Variants in ADAT1 observed in about 807,000 individuals in gnomAD.
The protein encoded by ADAT1 is adenosine deaminase tRNA specific 1.
Under a neutral mutation model 58.6 loss-of-function variants are expected in ADAT1, and 58 were observed. That is an observed-to-expected ratio of 0.99 (90% CI 0.80 to 1.23). The LOEUF is 1.23. Ranked by LOEUF, ADAT1 falls within the 50% of genes most tolerant of loss-of-function variation. The probability of loss-of-function intolerance (pLI) is 0.00; values close to 1 mark genes in which losing one functional copy is unlikely to be tolerated. For missense variants in ADAT1, 741 were observed against 608.6 expected, an observed-to-expected ratio of 1.22 and a Z score of -2.29; for synonymous variants, 254 against 220.8, an observed-to-expected ratio of 1.15 and a Z score of -1.33.
At chr16:75,615,480 T>TTA (rs1567479861) in intron 5 of ADAT1, among the ~76,000 whole-genome samples, 3 of 32,944 alleles carry the variant, frequency 9.1e-5, no homozygotes, top group African/African-American at 1.1e-4. Context: ...GTTGATGAGC[T>TTA]AAAAAAAAAA....
intron 6 of ADAT1, among the ~76,000 whole-genome samples, chr16:75,610,264 A>G (rs958016747): frequency 8.0e-5 from 12 of 150,516 alleles, no homozygotes; most frequent in African/African-American, 2.9e-4. Flanking sequence ...TGTTGTGAAC[A>G]TTTATGTACA....
chr16:75,604,185 T>C (rs748221513), intron 8 of ADAT1, among the ~76,000 whole-genome samples: 1 of 151,672 alleles, frequency 6.6e-6, no homozygotes, highest in Non-Finnish European at 1.5e-5. Flanking sequence ...TCCCAGCACT[T>C]TGGGAGGCTG....
chr16:75,599,614 C>G lies in ADAT1; in HGVS notation c.*602G>C. 1.0e-6 allele frequency: 1 copy of G among 985,928 alleles called. No individual in the cohort carries two copies. Among genetic ancestry groups the G allele is most frequent in the Non-Finnish European group, 1.2e-6 (1 of 830,036 alleles). 61.1% of individuals were successfully genotyped at this position (985,928 alleles called of 1,614,324 possible). ...CAGTCCCATGATTATGTGACCCTTA[C>G]AGCTCCAGATCAAAACAGAAAGCCT... On this transcript the variant is annotated 3_prime_UTR_variant, in exon 10 of 10. Coordinates refer to ENST00000564657, the MANE Select transcript of ADAT1 (RefSeq NM_001324445.2).
chr16:75,600,426 C>T, intron 9 of ADAT1, 78 bp from the exon 10 acceptor site: 1 of 1,578,224 alleles, frequency 6.3e-7, no homozygotes, highest in African/African-American at 1.4e-5. Flanking sequence ...CCTGAGCAAG[C>T]AACTGGACAG....
In ADAT1 at chr16:75,608,968, A is replaced by G; in HGVS notation, c.1064T>C (p.Leu355Ser). The change falls in exon 7 of 10, where the codon TTA becomes TCA. Residue 355 changes from leucine (L) to serine (S), a missense_variant. Leu to Ser is a moderately radical substitution (Grantham distance 145, BLOSUM62 -2). Coordinates refer to ENST00000564657, the MANE Select transcript of ADAT1 (RefSeq NM_001324445.2). The part of the protein sequence containing the change: ...LIGRCQNVSA[L>S]PKGFGVQELK... ...TTCTTGAACTCCGAAGCCTTTTGGTAAAGCAGACACATTCTGACACCTAAA... is the reference window on the plus strand; with the variant it reads ...TTCTTGAACTCCGAAGCCTTTTGGTGAAGCAGACACATTCTGACACCTAAA... 1 of 1,614,194 alleles carries G rather than the reference A, an allele frequency of 6.2e-7. No homozygotes were observed. The highest frequency in any genetic ancestry group is 8.5e-7 in the Non-Finnish European group (1 of 1,180,014).
In ADAT1 at chr16:75,612,786, T is replaced by C; in HGVS notation, c.500A>G (p.His167Arg). The C allele has an allele frequency of 3.1e-6, 5 of 1,614,076 alleles. No homozygotes were observed. The highest frequency in any genetic ancestry group is 1.3e-5 in the African/African-American group (1 of 74,994). Residue 167 changes from histidine to arginine, a missense_variant, in exon 6 of 10, where the codon CAC (histidine) becomes CGC (arginine). Coordinates refer to ENST00000564657, the MANE Select transcript of ADAT1 (RefSeq NM_001324445.2). ...ACTACTGGCTTCTACTGATGAGTTG[T>C]GGGCCCAATTTCTGAAGACAGGACA... ...PCCPVFRNWAHNSSVEASSNL... is the reference protein window; with the variant it reads ...PCCPVFRNWARNSSVEASSNL...
chr16:75,620,374 G>A (rs1331616834), intron 2 of ADAT1, 40 bp from the exon 3 acceptor site: 2 of 1,605,240 alleles, frequency 1.2e-6, no homozygotes, highest in African/African-American at 2.7e-5. Flanking sequence ...CTGAGAAACG[G>A]AATGTTCCCC....
Position 75,620,655 on chromosome 16 carries a change from C to T in ADAT1, c.145G>A (p.Asp49Asn), listed in dbSNP as rs768577645. 46 of 1,613,302 alleles carry T rather than the reference C, an allele frequency of 2.9e-5. No individual in the cohort carries two copies. Among genetic ancestry groups the T allele is most frequent in the Middle Eastern group, 1.8e-4 (1 of 5,474 alleles). Residue 49 changes from aspartate to asparagine, a missense_variant, in exon 2 of 10, where the codon GAC (aspartate) becomes AAC (asparagine). Transcript: ENST00000564657. ...KIQSPADKAC[D>N]TPDKPVQVTK... ...CCTTGCACCGGCTTATCAGGGGTGT[C>T]GCAGGCCTTGTCAGCTGGAGATTGT...
At chr16:75,613,554 G>C (rs111835130) in intron 5 of ADAT1, among the ~76,000 whole-genome samples, 1 of 152,036 alleles carries the variant, frequency 6.6e-6, no homozygotes, top group Admixed American at 6.6e-5. Context: ...CGAGTGATCC[G>C]CCCACCTTGG....
chr16:75,600,474 T>C (rs778642663), intron 9 of ADAT1, 126 bp from the exon 10 acceptor site: 6 of 1,435,234 alleles, frequency 4.2e-6, no homozygotes, highest in Non-Finnish European at 5.6e-6. Context: ...GAGTTCAGTA[T>C]GCTTTTGTGA....
rs906765281 is a variant in ADAT1, at chr16:75,608,804, A to G, written c.1189+39T>C. On this transcript the variant is annotated intron_variant, in intron 7 of 9. Transcript: ENST00000564657. Reference sequence around the variant, plus strand: ...CTCTGGGGCCACTCTCAGTCAGGGGAGCAGTTACTCCAGGGCAGGTCTAAC... The same window carrying G: ...CTCTGGGGCCACTCTCAGTCAGGGGGGCAGTTACTCCAGGGCAGGTCTAAC... The G allele has an allele frequency of 1.9e-6, 3 of 1,590,550 alleles. No homozygotes were observed. The African/African-American group carries it at 4.1e-5, about 22-fold the overall frequency.
In ADAT1 at chr16:75,597,319, C is replaced by A. The variant is rs1001053965; in HGVS notation, c.*2897G>T. On this transcript the variant is annotated 3_prime_UTR_variant, in exon 10 of 10. Coordinates refer to ENST00000564657, the MANE Select transcript of ADAT1 (RefSeq NM_001324445.2). ...CCATGCGAGACACAGACACAGAAGGCCATGTGAAGACGGAGGGAGAAACTG... is the reference window on the plus strand; with the variant it reads ...CCATGCGAGACACAGACACAGAAGGACATGTGAAGACGGAGGGAGAAACTG... 4.6e-6 allele frequency: 2 copies of A among 437,926 alleles called. No individual in the cohort carries two copies. The highest frequency in any genetic ancestry group is 7.1e-5 in the East Asian group (1 of 14,104). The allele number at this position is 437,926 out of a possible 1,614,324, so 27.1% of individuals were successfully genotyped here.
chr16:75,612,831 T>G lies in ADAT1; in HGVS notation c.455A>C (p.Glu152Ala), dbSNP rs1367823428. Residue 152 changes from glutamate (E) to alanine (A), a missense_variant, in exon 6 of 10, where the codon GAG (glutamate) becomes GCG (alanine). Coordinates refer to ENST00000564657, the MANE Select transcript of ADAT1 (RefSeq NM_001324445.2). ...AGGACAGCAAGGCTGATCTTCAAAC[T>G]CAAGCATCGGAATGATGGAGGCATC... The part of the protein sequence containing the change: ...CGDASIIPML[E>A]FEDQPCCPVF... The G allele has an allele frequency of 2.5e-6, 4 of 1,613,888 alleles. No individual in the cohort carries two copies. Among genetic ancestry groups the G allele is most frequent in the East Asian group, 4.5e-5 (2 of 44,876 alleles).
At chr16:75,609,651 C>T (rs1187193505) in intron 6 of ADAT1, among the ~76,000 whole-genome samples, 1 of 152,114 alleles carries the variant, frequency 6.6e-6, no homozygotes, top group Non-Finnish European at 1.5e-5. Flanking sequence ...ATTTTCATCA[C>T]CCCAGAAAGA....
chr16:75,614,000 G>C (rs1230521034), intron 5 of ADAT1, among the ~76,000 whole-genome samples: 3 of 152,084 alleles, frequency 2.0e-5, no homozygotes, highest in African/African-American at 7.2e-5. Flanking sequence ...GACCAGCCTG[G>C]CCAATATGGT....
intron 6 of ADAT1, 47 bp from the exon 7 acceptor site, chr16:75,609,035 A>C: frequency 6.2e-7 from 1 of 1,607,010 alleles, no homozygotes; most frequent in African/African-American, 1.3e-5. Flanking sequence ...TGCCTAGAGA[A>C]AACAGTATCT....
At chr16:75,609,529 T>TA (rs1248595645) in intron 6 of ADAT1, among the ~76,000 whole-genome samples, 5 of 152,138 alleles carry the variant, frequency 3.3e-5, no homozygotes, top group Non-Finnish European at 2.9e-5. Flanking sequence ...CCAACATCTT[T>TA]ATAGGGATAT....
intron 6 of ADAT1, among the ~76,000 whole-genome samples, chr16:75,612,000 G>C (rs967438669): frequency 6.6e-6 from 1 of 152,296 alleles, no homozygotes; most frequent in East Asian, 1.9e-4. Flanking sequence ...GGTGGCTGCA[G>C]TGAGCCCAGA....
At chr16:75,619,617 T>C (rs780124738) in intron 3 of ADAT1, 1 of 455,314 alleles carries the variant, frequency 2.2e-6, no homozygotes, top group South Asian at 1.5e-5. Flanking sequence ...CTTCCTGTCA[T>C]TCAAGATTGC....
Sources: allele counts gnomAD v4.1 joint callset (sites outside exome capture counted in the v4.1 genomes callset), GRCh38; gene constraint gnomAD v4.1.1; transcripts MANE v1.5; gene names NCBI Gene and HGNC (gene_info 2026-07-23, HGNC 2026-07-21).